Variants in BCAS3 observed in about 807,000 individuals in gnomAD.
BCAS3 encodes BCAS3 microtubule associated cell migration factor.
Under a neutral mutation model 116.1 loss-of-function variants are expected in BCAS3, and 53 were observed. The ratio of observed to expected loss-of-function variants is 0.46; its 90% CI spans 0.37 to 0.57. BCAS3 has a LOEUF of 0.57. Ranked by LOEUF, BCAS3 falls within the 20% of genes least tolerant of loss-of-function variation. The pLI is 0.00. For synonymous variants in BCAS3, 391 were observed against 408.2 expected (o/e 0.96, Z 0.51); for missense variants, 917 against 1,165.4 (o/e 0.79, Z 3.10).
chr17:60,812,914 T>A (rs912349483), intron 7 of BCAS3, among the ~76,000 whole-genome samples: 10 of 151,976 alleles, frequency 6.6e-5, no homozygotes, highest in African/African-American at 2.2e-4. Context: ...TTAAAAAAAA[T>A]TTCTTTTTTT....
chr17:61,190,296 C>T (rs987044576), intron 22 of BCAS3, among the ~76,000 whole-genome samples: 3 of 151,974 alleles, frequency 2.0e-5, no homozygotes, highest in Non-Finnish European at 4.4e-5. Flanking sequence ...GAGGCCAAGG[C>T]GGGTGGATTA....
chr17:61,063,085 A>G lies in BCAS3; in HGVS notation c.2030-11835A>G, dbSNP rs181602589. Among the ~76,000 whole-genome samples, 16 of 152,296 alleles carry G rather than the reference A, an allele frequency of 1.1e-4. No individual in the cohort carries two copies. The East Asian group carries it at 2.3e-3, about 22-fold the overall frequency. ...TATTATTTTCTTTGGCCCTCCAGAA[A>G]GTCAACAAACAAACTGCCTCAAGCA... On this transcript the variant is annotated intron_variant, in intron 19 of 23. Coordinates refer to ENST00000407086, the MANE Select transcript of BCAS3 (RefSeq NM_017679.5). The surrounding 1 kb of genome is among the most constrained non-coding windows in gnomAD (Gnocchi z 5.3).
Position 61,392,240 on chromosome 17 carries a change from A to C in BCAS3, c.*115A>C. The C allele has an allele frequency of 1.6e-6, 2 of 1,278,172 alleles. No individual in the cohort carries two copies. Among genetic ancestry groups the C allele is most frequent in the Non-Finnish European group, 2.1e-6 (2 of 933,842 alleles). 79.2% of individuals were successfully genotyped at this position (1,278,172 alleles called of 1,614,324 possible). A position where few individuals can be genotyped will look rare whatever the true frequency, so the allele number is the denominator to read the frequency against. ...TCTTCCTTCATCAACCACCTTCCCC[A>C]AGCTTAGTGACAGCAGCCGCCCATC... is the stretch of plus-strand genomic sequence containing the variant. On this transcript the variant is annotated 3_prime_UTR_variant, in exon 24 of 24. Coordinates refer to ENST00000407086, the MANE Select transcript of BCAS3 (RefSeq NM_017679.5). This position sits in a 1 kb window ranked among gnomAD's most constrained non-coding sequence, Gnocchi z 6.4.
At chr17:60,796,772 T>C (rs796375977) in intron 6 of BCAS3, among the ~76,000 whole-genome samples, 8 of 152,336 alleles carry the variant, frequency 5.3e-5, no homozygotes, top group African/African-American at 1.9e-4. Context: ...GGTTTGTTCT[T>C]GTTTCTCTAG....
chr17:60,818,820 A>G (rs1299425513), intron 7 of BCAS3, among the ~76,000 whole-genome samples: 1 of 152,088 alleles, frequency 6.6e-6, no homozygotes, highest in African/African-American at 2.4e-5. Flanking sequence ...AAAGAGCTTT[A>G]CATCTTAGGT....
intron 14 of BCAS3, among the ~76,000 whole-genome samples, chr17:60,969,899 A>C (rs1482760931): frequency 6.6e-6 from 1 of 152,224 alleles, no homozygotes; most frequent in Non-Finnish European, 1.5e-5. Flanking sequence ...GACTCAAAGA[A>C]TAAAATATTG....
Position 60,727,625 on chromosome 17 carries a change from G to A in BCAS3, c.321+18300G>A, listed in dbSNP as rs1043077077. The A allele has an allele frequency of 5.4e-6, 3 of 551,532 alleles. No homozygotes were observed. In the African/African-American group the frequency reaches 5.8e-5, roughly 11 times the overall value. The allele number at this position is 551,532 out of a possible 1,614,324, so 34.2% of individuals were successfully genotyped here. On this transcript the variant is annotated intron_variant, in intron 5 of 23. Coordinates refer to ENST00000407086, the MANE Select transcript of BCAS3 (RefSeq NM_017679.5). Reference sequence around the variant, plus strand: ...AGTTTTAGGTTCACGGCAAAACTGAGTAGAAAGTATACGGAGGTCCCGTAT... The same window carrying A: ...AGTTTTAGGTTCACGGCAAAACTGAATAGAAAGTATACGGAGGTCCCGTAT...
At position 60,801,154 on chromosome 17, in the gene BCAS3, A is replaced by G. The variant is rs550674954; in HGVS notation, c.404-6850A>G. ...AACTTTATATCAGTTATGTATCTCC[A>G]TGTATTTAGGTTGTCTTTTGTTTGT... is the stretch of plus-strand genomic sequence containing the variant. On this transcript the variant is annotated intron_variant, in intron 6 of 23. Transcript: ENST00000407086. 1.4e-3 allele frequency among the ~76,000 whole-genome samples: 213 copies of G among 152,164 alleles called. 1 individual carries two copies. Among genetic ancestry groups the G allele is most frequent in the Middle Eastern group, 3.4e-3 (1 of 294 alleles).
At chr17:60,765,401 C>G (rs1246431001) in intron 6 of BCAS3, among the ~76,000 whole-genome samples, 1 of 152,148 alleles carries the variant, frequency 6.6e-6, no homozygotes, top group Non-Finnish European at 1.5e-5. Context: ...GACAAAATCT[C>G]TCAGCATTTG....
At chr17:60,882,509 C>T (rs966767569) in intron 9 of BCAS3, among the ~76,000 whole-genome samples, 1 of 151,986 alleles carries the variant, frequency 6.6e-6, no homozygotes, top group African/African-American at 2.4e-5. Flanking sequence ...GACATGAAGT[C>T]CTTGCCCATG....
At chr17:61,165,124 T>A (rs2078409494) in intron 22 of BCAS3, among the ~76,000 whole-genome samples, 1 of 152,228 alleles carries the variant, frequency 6.6e-6, no homozygotes, top group Non-Finnish European at 1.5e-5. Flanking sequence ...ACTCCTTTTT[T>A]ATGCCCTTTC....
At position 61,281,023 on chromosome 17, in the gene BCAS3, C is replaced by A. The variant is rs1182118184; in HGVS notation, c.2426-87304C>A. ...AAGAGACCTACTCTTATCTCCCAATCCTTGCCCAGAGGAAACAATCACTGT... is the reference window on the plus strand; with the variant it reads ...AAGAGACCTACTCTTATCTCCCAATACTTGCCCAGAGGAAACAATCACTGT... On this transcript the variant is annotated intron_variant, in intron 22 of 23. Coordinates refer to ENST00000407086, the MANE Select transcript of BCAS3 (RefSeq NM_017679.5). The surrounding 1 kb of genome is among the most constrained non-coding windows in gnomAD (Gnocchi z 4.2). Among the ~76,000 whole-genome samples, 1 of 152,200 alleles carries A rather than the reference C, an allele frequency of 6.6e-6. No homozygotes were observed. Among genetic ancestry groups the A allele is most frequent in the Non-Finnish European group, 1.5e-5 (1 of 68,032 alleles).
chr17:60,976,020 C>CTTTTTTTTGTTTTTTT (rs2062328030), intron 14 of BCAS3, among the ~76,000 whole-genome samples: 17 of 98,274 alleles, frequency 1.7e-4, no homozygotes, highest in Non-Finnish European at 2.5e-4. Context: ...TAGATTTTTG[C>CTTTTTTTTGTTTTTTT]TTTTTTTTTT....
At chr17:61,054,364 C>CT (rs375016489) in intron 19 of BCAS3, among the ~76,000 whole-genome samples, 16 of 151,410 alleles carry the variant, frequency 1.1e-4, no homozygotes, top group South Asian at 4.2e-4. Flanking sequence ...TGTCATAATT[C>CT]TTTTTTTTTG....
intron 6 of BCAS3, among the ~76,000 whole-genome samples, chr17:60,752,623 C>T (rs1199163043): frequency 1.3e-5 from 2 of 151,868 alleles, no homozygotes; most frequent in Admixed American, 1.3e-4. Context: ...CGGGGTTTCA[C>T]CATGTTAGCC....
At chr17:61,386,596 T>A (rs1006175715) in intron 23 of BCAS3, among the ~76,000 whole-genome samples, 3 of 152,120 alleles carry the variant, frequency 2.0e-5, no homozygotes, top group African/African-American at 7.2e-5. Context: ...CCAGGCAGCC[T>A]CTTCCTAAAC....
chr17:60,821,462 AC>A (rs1165189807), intron 7 of BCAS3, among the ~76,000 whole-genome samples: 1 of 152,162 alleles, frequency 6.6e-6, no homozygotes, highest in Non-Finnish European at 1.5e-5. Flanking sequence ...AAGACAATGA[AC>A]ATCTTATTCC....
At position 61,309,974 on chromosome 17, in the gene BCAS3, T is replaced by C. The variant is rs757621110; in HGVS notation, c.2426-58353T>C. Among the ~76,000 whole-genome samples the C allele has an allele frequency of 2.6e-5, 4 of 152,214 alleles. No homozygotes were observed. Among genetic ancestry groups the C allele is most frequent in the Non-Finnish European group, 5.9e-5 (4 of 68,036 alleles). ...CTTTGAAAAACTACAGCATTTAGGC[T>C]ACCAGGTTGTGTTTCCTTAATAGGA... is the stretch of plus-strand genomic sequence containing the variant. On this transcript the variant is annotated intron_variant, in intron 22 of 23. Coordinates refer to ENST00000407086, the MANE Select transcript of BCAS3 (RefSeq NM_017679.5). The surrounding 1 kb of genome is among the most constrained non-coding windows in gnomAD (Gnocchi z 4.6).
intron 6 of BCAS3, among the ~76,000 whole-genome samples, chr17:60,764,132 T>A (rs2043836138): frequency 1.3e-5 from 2 of 151,118 alleles, no homozygotes; most frequent in Non-Finnish European, 2.9e-5. Flanking sequence ...TGTTATCTTT[T>A]CAAAAAACCA....
Sources: gnomAD v4.1 joint callset for allele counts (sites outside exome capture counted in the v4.1 genomes callset) on GRCh38, gnomAD v4.1.1 for gene constraint, Gnocchi (gnomAD v3.1) non-coding constraint, MANE v1.5 for transcripts, NCBI Gene and HGNC (gene_info 2026-07-23, HGNC 2026-07-21) for gene names.